SERPINA12: variants seen among roughly 807,000 people sequenced by gnomAD.
SERPINA12 encodes serpin A12.
A neutral mutation model predicts 25.9 loss-of-function variants in SERPINA12; 21 were observed. The observed-to-expected ratio is 0.81, with a 90% CI of 0.58 to 1.17. The LOEUF (loss-of-function observed/expected upper bound fraction) is 1.17, where lower values mean the gene tolerates loss of function less well. Ranked by LOEUF, SERPINA12 falls within the 50% of genes most tolerant of loss-of-function variation. The probability of loss-of-function intolerance (pLI) is 0.00; values close to 1 mark genes in which losing one functional copy is unlikely to be tolerated. For synonymous variants in SERPINA12, 220 were observed against 196.0 expected, an observed-to-expected ratio of 1.12 and a Z score of -1.02; for missense variants, 562 against 508.3, an observed-to-expected ratio of 1.11 and a Z score of -1.02.
chr14:94,498,161 G>T lies in SERPINA12; in HGVS notation c.237C>A (p.Ile79=), dbSNP rs774910080. 1.9e-6 allele frequency: 3 copies of T among 1,614,174 alleles called. No individual in the cohort carries two copies. ...GGCACAGCATGGAGAAAGCTGTAGAGATGCTCAAGGGGGATAGGAAGATGT... is the reference window on the plus strand; with the variant it reads ...GGCACAGCATGGAGAAAGCTGTAGATATGCTCAAGGGGGATAGGAAGATGT... ...GRNIFLSPLS[I]STAFSMLCLG... is the part of the protein sequence containing the mutation. Residue 79 remains isoleucine (I), a synonymous_variant, in exon 2 of 5, where the codon ATC becomes ATA. Coordinates refer to ENST00000677451, the MANE Select transcript of SERPINA12 (RefSeq NM_001382267.1).
chr14:94,511,002 C>T (rs1901094557), upstream of SERPINA12, among the ~76,000 whole-genome samples: 1 of 152,060 alleles, frequency 6.6e-6, no homozygotes, highest in Non-Finnish European at 1.5e-5. Flanking sequence ...GTACACTGTT[C>T]AGGTGATGGG....
chr14:94,497,441 A>T (rs6575436), intron 2 of SERPINA12, among the ~76,000 whole-genome samples: 76,101 of 151,952 alleles, frequency 0.5, 21,321 homozygotes, highest in African/African-American at 0.77. Context: ...AGTTAATCTC[A>T]CTCTGATTTT....
chr14:94,506,442 T>C (rs184337340), intron 1 of SERPINA12, among the ~76,000 whole-genome samples: 11 of 152,322 alleles, frequency 7.2e-5, no homozygotes, highest in East Asian at 5.8e-4. Context: ...CACCTGATCC[T>C]AGCTGGGGTG....
chr14:94,487,817 T>C (rs1356683426), intron 4 of SERPINA12, among the ~76,000 whole-genome samples: 7 of 152,166 alleles, frequency 4.6e-5, no homozygotes, highest in Admixed American at 4.6e-4. Flanking sequence ...AAAGGTCTAC[T>C]GGGCTGTAGC....
chr14:94,494,649 A>T (rs920393055), intron 3 of SERPINA12, among the ~76,000 whole-genome samples: 6 of 152,168 alleles, frequency 3.9e-5, no homozygotes, highest in Non-Finnish European at 8.8e-5. Context: ...TTTGCAGGAC[A>T]CCTGTCATTC....
rs752171872 is a variant in SERPINA12, at chr14:94,498,367, GA to G, written c.30del (p.Leu11TrpfsTer7). 1 of 1,613,788 alleles carries G rather than the reference GA, an allele frequency of 6.2e-7. No individual in the cohort carries two copies. The highest frequency in any genetic ancestry group is 2.2e-5 in the East Asian group (1 of 44,896). Reference sequence around the variant, plus strand: ...CCTTTCACCGTGAGGAGAACAGCCAGAAAAATGGCCAGGCCTAGTGTGGGGT... The same window carrying G: ...CCTTTCACCGTGAGGAGAACAGCCAGAAAATGGCCAGGCCTAGTGTGGGGT... Reference protein sequence around the residue: MNPTLGLAIFLAVLLTVKGL... With the variant: MNPTLGLAIXLAVLLTVKGL... On this transcript the variant is annotated frameshift_variant, in exon 2 of 5. Transcript: ENST00000677451. LOFTEE classifies it high-confidence loss of function.
chr14:94,509,920 T>A (rs1395342707), upstream of SERPINA12: 1 of 930,756 alleles, frequency 1.1e-6, no homozygotes, highest in Admixed American at 6.2e-5. Context: ...GGAATGGGTG[T>A]GGGCACCCTG....
At position 94,487,311 on chromosome 14, in the gene SERPINA12, C is replaced by T; in HGVS notation, c.1237G>A (p.Gly413Arg). 1 of 1,612,898 alleles carries T rather than the reference C, an allele frequency of 6.2e-7. No individual in the cohort carries two copies. Among genetic ancestry groups the T allele is most frequent in the Non-Finnish European group, 8.5e-7 (1 of 1,179,352 alleles). Residue 413 changes from glycine (G) to arginine (R), a missense_variant, in exon 5 of 5, where the codon GGA becomes AGA. Transcript: ENST00000677451. ...LFLGKIVNPI[G>R]K is the part of the protein sequence containing the mutation. ...CAAGCAGGAATTCTCCTTTATTTTCCAATAGGGTTAACAATCTTTCCCAGG... is the reference window on the plus strand; with the variant it reads ...CAAGCAGGAATTCTCCTTTATTTTCTAATAGGGTTAACAATCTTTCCCAGG...
intron 3 of SERPINA12, among the ~76,000 whole-genome samples, chr14:94,491,398 G>T (rs187894357): frequency 3.9e-5 from 6 of 152,144 alleles, no homozygotes; most frequent in Admixed American, 3.9e-4. Context: ...TGAATAAAAT[G>T]GGGAGTCACT....
intron 1 of SERPINA12, among the ~76,000 whole-genome samples, chr14:94,506,818 A>G (rs545834468): frequency 3.3e-5 from 5 of 152,354 alleles, no homozygotes; most frequent in African/African-American, 1.2e-4. Flanking sequence ...GGATTTAATG[A>G]GTACTCAAGG....
chr14:94,507,541 GA>G (rs1566815130), intron 1 of SERPINA12, among the ~76,000 whole-genome samples: 1 of 152,046 alleles, frequency 6.6e-6, no homozygotes, highest in Non-Finnish European at 1.5e-5. Flanking sequence ...GCAAAGACAT[GA>G]ACAAATACTT....
chr14:94,505,802 C>A (rs1900909938), intron 1 of SERPINA12, among the ~76,000 whole-genome samples: 2 of 152,208 alleles, frequency 1.3e-5, no homozygotes, highest in Admixed American at 6.5e-5. Context: ...CACTGAGCGA[C>A]ACGGGCAGCA....
rs147468895 is a variant in SERPINA12, at chr14:94,503,248, A to G, written c.-33-4818T>C. The G allele has an allele frequency of 9.5e-4, 935 of 984,870 alleles. 6 individuals carry two copies. In the African/African-American group the frequency reaches 0.015, roughly 16 times the overall value. 61.0% of individuals were successfully genotyped at this position (984,870 alleles called of 1,614,324 possible). On this transcript the variant is annotated intron_variant, in intron 1 of 4. Transcript: ENST00000677451. ...TGTTAGAAGTAAGAGAAGCCCCATA[A>G]ACAAACTCTGATGACCACAGCAATA... is the stretch of plus-strand genomic sequence containing the variant.
At chr14:94,506,349 G>GGAACACA (rs1900932662) in intron 1 of SERPINA12, among the ~76,000 whole-genome samples, 1 of 152,104 alleles carries the variant, frequency 6.6e-6, no homozygotes, top group African/African-American at 2.4e-5. Flanking sequence ...TGGTCTGATG[G>GGAACACA]GAACACAGAA....
intron 1 of SERPINA12, among the ~76,000 whole-genome samples, chr14:94,499,447 T>C (rs57994207): frequency 0.039 from 5,937 of 152,326 alleles, 196 homozygotes; most frequent in South Asian, 0.094. Context: ...AAAAGCATGT[T>C]GGCCTAAAAA....
chr14:94,507,832 C>T (rs1423042904), intron 1 of SERPINA12, among the ~76,000 whole-genome samples: 1 of 152,168 alleles, frequency 6.6e-6, no homozygotes, highest in African/African-American at 2.4e-5. Context: ...ATTCATTGTA[C>T]CTCAGGGTAT....
intron 3 of SERPINA12, among the ~76,000 whole-genome samples, chr14:94,495,310 C>T (rs559300024): frequency 2.2e-4 from 34 of 152,030 alleles, no homozygotes; most frequent in Non-Finnish European, 2.4e-4. Flanking sequence ...CCTCGTGATC[C>T]GCCCGCCTCG....
At chr14:94,511,849 G>A (rs2139866650), upstream of SERPINA12, 1 of 456,762 alleles carries the variant, frequency 2.2e-6, no homozygotes, top group Non-Finnish European at 2.9e-6. Flanking sequence ...TGTACTCCTA[G>A]CACTTTGGGA....
At chr14:94,513,298 A>G (rs1249024773), upstream of SERPINA12, among the ~76,000 whole-genome samples, 1 of 152,216 alleles carries the variant, frequency 6.6e-6, no homozygotes, top group Non-Finnish European at 1.5e-5. Context: ...AATGAAGGAC[A>G]ATTACTTTCA....
Sources: allele counts gnomAD v4.1 joint callset (sites outside exome capture counted in the v4.1 genomes callset), GRCh38; gene constraint gnomAD v4.1.1; transcripts MANE v1.5; gene names NCBI Gene and HGNC (gene_info 2026-07-23, HGNC 2026-07-21).